MCTP1: variants seen among roughly 807,000 people sequenced by gnomAD.
MCTP1 encodes the protein multiple C2 and transmembrane domain containing 1, also known as multiple C2 and transmembrane domain-containing protein 1.
A neutral mutation model predicts 120.6 loss-of-function variants in MCTP1; 69 were observed. The ratio of observed to expected loss-of-function variants is 0.57; its 90% CI spans 0.47 to 0.70. The LOEUF is 0.70. Ranked by LOEUF, MCTP1 falls within the 30% of genes least tolerant of loss-of-function variation. The pLI, the probability that MCTP1 is intolerant of heterozygous loss-of-function variation, is 0.00. For synonymous variants in MCTP1, 529 were observed against 493.1 expected (o/e 1.07, Z -0.96); for missense variants, 1,203 against 1,248.8 (o/e 0.96, Z 0.55).
intron 1 of MCTP1, among the ~76,000 whole-genome samples, chr5:95,218,600 G>C (rs974929754): frequency 1.3e-5 from 2 of 152,170 alleles, no homozygotes; most frequent in Non-Finnish European, 2.9e-5. Context: ...CAGGAGACAT[G>C]TTCTCAGGGA....
intron 19 of MCTP1, among the ~76,000 whole-genome samples, chr5:94,771,243 C>CA (rs35491452): frequency 0.038 from 5,751 of 149,562 alleles, 125 homozygotes; most frequent in Middle Eastern, 0.058. Context: ...ATTTCCATGG[C>CA]AAAAAAAAAG....
intron 2 of MCTP1, among the ~76,000 whole-genome samples, chr5:94,992,016 C>A (rs1293423230): frequency 1.3e-5 from 2 of 152,142 alleles, no homozygotes; most frequent in Non-Finnish European, 2.9e-5. Flanking sequence ...GGCAGATGGG[C>A]TGTTGTGTTG....
At chr5:94,775,967 A>T (rs947540688) in intron 19 of MCTP1, among the ~76,000 whole-genome samples, 22 of 136,950 alleles carry the variant, frequency 1.6e-4, no homozygotes, top group Middle Eastern at 4.0e-3. Context: ...TATTTATATT[A>T]TATATATATA....
At chr5:94,859,831 G>A (rs986643662) in intron 17 of MCTP1, among the ~76,000 whole-genome samples, 1 of 151,496 alleles carries the variant, frequency 6.6e-6, no homozygotes, top group Non-Finnish European at 1.5e-5. Context: ...TTTTAACCTT[G>A]GTGATCTATT....
chr5:94,727,831 A>G (rs557934926), intron 19 of MCTP1, among the ~76,000 whole-genome samples: 2 of 152,358 alleles, frequency 1.3e-5, no homozygotes, highest in African/African-American at 4.8e-5. Context: ...CCTTGGCATA[A>G]TGCAGGAAAC....
chr5:94,786,355 CAT>C (rs1418540592), intron 18 of MCTP1, among the ~76,000 whole-genome samples: 1 of 152,066 alleles, frequency 6.6e-6, no homozygotes, highest in Admixed American at 6.5e-5. Flanking sequence ...GTCAAAAAAT[CAT>C]AAAGTCAGAA....
intron 1 of MCTP1, among the ~76,000 whole-genome samples, chr5:95,049,458 G>A (rs1478522251): frequency 6.6e-6 from 1 of 152,076 alleles, no homozygotes; most frequent in Non-Finnish European, 1.5e-5. Context: ...GTTCAAATAA[G>A]TGAAGTACCA....
chr5:94,994,185 C>A (rs1466880577), intron 2 of MCTP1, among the ~76,000 whole-genome samples: 1 of 152,172 alleles, frequency 6.6e-6, no homozygotes, highest in Non-Finnish European at 1.5e-5. Flanking sequence ...GGTATCTTGT[C>A]ATCTAACCGT....
At position 95,081,477 on chromosome 5, in the gene MCTP1, T is replaced by C. The variant is rs762368715; in HGVS notation, c.721-63993A>G. On this transcript the variant is annotated intron_variant, in intron 1 of 22. Coordinates refer to ENST00000515393, the MANE Select transcript of MCTP1 (RefSeq NM_024717.7). Reference sequence around the variant, plus strand: ...AGGCACTTTTCAGCTTGCAGCTGTCTAGCATAGTTGATTAGAAATGAACAA... The same window carrying C: ...AGGCACTTTTCAGCTTGCAGCTGTCCAGCATAGTTGATTAGAAATGAACAA... 1.1e-5 allele frequency: 17 copies of C among 1,611,678 alleles called. No homozygotes were observed. In the East Asian group the frequency reaches 3.6e-4, roughly 34 times the overall value.
At chr5:94,847,674 GTGTGTGTGTATA>G (rs1329568485) in intron 17 of MCTP1, among the ~76,000 whole-genome samples, 3 of 138,562 alleles carry the variant, frequency 2.2e-5, no homozygotes, top group Non-Finnish European at 4.6e-5. Context: ...GTGTGTGTGT[GTGTGTGTGTATA>G]TATATATATA....
intron 1 of MCTP1, among the ~76,000 whole-genome samples, chr5:95,104,994 T>C (rs1040016833): frequency 3.3e-5 from 5 of 152,254 alleles, no homozygotes; most frequent in Non-Finnish European, 7.3e-5. Context: ...TATTTATTTC[T>C]ACATATTTGT....
intron 4 of MCTP1, among the ~76,000 whole-genome samples, chr5:94,941,460 T>C (rs1817696688): frequency 6.6e-6 from 1 of 151,582 alleles, no homozygotes; most frequent in Non-Finnish European, 1.5e-5. Flanking sequence ...TTGTAATGCA[T>C]AAGTGAGTTC....
intron 1 of MCTP1, among the ~76,000 whole-genome samples, chr5:95,120,172 A>T (rs2347484): frequency 7.2e-6 from 1 of 139,128 alleles, no homozygotes; most frequent in Admixed American, 7.3e-5. Context: ...GCAAGACTCC[A>T]TCTCAAAAAA....
intron 19 of MCTP1, 119 bp from the exon 20 acceptor site, chr5:94,715,005 A>T: frequency 1.6e-6 from 1 of 632,814 alleles, no homozygotes; most frequent in Middle Eastern, 3.9e-4. Context: ...TCGTGTGGTT[A>T]TAAATGGATA....
chr5:94,981,860 G>C (rs1326151428), intron 2 of MCTP1, among the ~76,000 whole-genome samples: 1 of 152,154 alleles, frequency 6.6e-6, no homozygotes, highest in East Asian at 1.9e-4. Context: ...TGGGGCAACA[G>C]ATCATGTGGG....
intron 5 of MCTP1, among the ~76,000 whole-genome samples, chr5:94,932,487 G>A (rs1815016466): frequency 6.6e-6 from 1 of 152,026 alleles, no homozygotes; most frequent in South Asian, 2.1e-4. Context: ...GCTGCATACT[G>A]TGATGGCTAC....
chr5:95,207,928 C>CGAGAGAGA (rs753843212), intron 1 of MCTP1, among the ~76,000 whole-genome samples: 8 of 84,648 alleles, frequency 9.5e-5, no homozygotes, highest in Middle Eastern at 6.8e-3. Flanking sequence ...AATGAGCGGG[C>CGAGAGAGA]GAGAGAGAGA....
At chr5:94,708,080 C>G (rs1423169332) in intron 22 of MCTP1, 1 of 155,646 alleles carries the variant, frequency 6.4e-6, no homozygotes, top group African/African-American at 2.4e-5. Flanking sequence ...AAGCAGTCAG[C>G]TTTCCTCTCC....
At chr5:95,202,418 G>A (rs564878986) in intron 1 of MCTP1, among the ~76,000 whole-genome samples, 3 of 152,226 alleles carry the variant, frequency 2.0e-5, no homozygotes, top group African/African-American at 7.2e-5. Flanking sequence ...TTTGCAAATG[G>A]TCTGTCATGG....
Sources: gnomAD v4.1 joint callset for allele counts (sites outside exome capture counted in the v4.1 genomes callset) on GRCh38, gnomAD v4.1.1 for gene constraint, MANE v1.5 for transcripts, NCBI Gene and HGNC (gene_info 2026-07-23, HGNC 2026-07-21) for gene names.